RPSA2: variants seen among roughly 807,000 people sequenced by gnomAD.
The protein encoded by RPSA2 is ribosomal protein SA 2.
chr19:23,836,275 C>T, the RPSA2 span, among the ~76,000 whole-genome samples: 11 of 152,100 alleles, frequency 7.2e-5, no homozygotes, highest in Admixed American at 2.0e-4. Flanking sequence ...AGTTACTTCA[C>T]GTAGAATAAT....
chr19:23,813,352 AT>A, the RPSA2 span, among the ~76,000 whole-genome samples: 2 of 152,188 alleles, frequency 1.3e-5, no homozygotes. Context: ...ATTAAATAAC[AT>A]TTACTCATTT....
At chr19:23,813,730 C>CTTTTTT in the RPSA2 span, among the ~76,000 whole-genome samples, 736 of 136,766 alleles carry the variant, frequency 5.4e-3, 52 homozygotes, top group African/African-American at 0.014. Flanking sequence ...ACACGGGTTT[C>CTTTTTT]TTTTTTTTTT....
chr19:23,782,048 A>C, the RPSA2 span: 1 of 153,224 alleles, frequency 6.5e-6, no homozygotes, highest in South Asian at 2.0e-4. Flanking sequence ...GGTCTGTGTT[A>C]TGAGAATCTT....
chr19:23,766,494 C>A, the RPSA2 span, among the ~76,000 whole-genome samples: 1 of 147,656 alleles, frequency 6.8e-6, no homozygotes, highest in Non-Finnish European at 1.5e-5. Context: ...CTCTGTCACC[C>A]AGGCTGGAGG....
At chr19:23,795,397 A>G in the RPSA2 span, among the ~76,000 whole-genome samples, 1 of 151,968 alleles carries the variant, frequency 6.6e-6, no homozygotes, top group African/African-American at 2.4e-5. Context: ...CACCTTCCTG[A>G]TTAGCTGTAT....
the RPSA2 span, among the ~76,000 whole-genome samples, chr19:23,815,755 TA>T: frequency 6.6e-6 from 1 of 152,346 alleles, no homozygotes; most frequent in East Asian, 1.9e-4. Flanking sequence ...TATTGATGTC[TA>T]CAATTATATT....
the RPSA2 span, among the ~76,000 whole-genome samples, chr19:23,847,495 C>G: frequency 6.6e-6 from 1 of 152,080 alleles, no homozygotes; most frequent in Non-Finnish European, 1.5e-5. Context: ...ACAAAACCAG[C>G]AGGTTTTTAT....
At chr19:23,768,764 A>G in the RPSA2 span, among the ~76,000 whole-genome samples, 1 of 147,478 alleles carries the variant, frequency 6.8e-6, no homozygotes, top group East Asian at 2.1e-4. Context: ...ATTTTTCTAT[A>G]TTTAGTAGAG....
At chr19:23,827,547 C>T in the RPSA2 span, 1 of 1,596,090 alleles carries the variant, frequency 6.3e-7, no homozygotes, top group Non-Finnish European at 8.5e-7. Flanking sequence ...GACCCCAGGG[C>T]TGACCACCAG....
the RPSA2 span, among the ~76,000 whole-genome samples, chr19:23,861,305 T>A: frequency 6.6e-6 from 1 of 152,144 alleles, no homozygotes; most frequent in Non-Finnish European, 1.5e-5. Context: ...TCTTCAAAAG[T>A]AGGTTTCATA....
At chr19:23,836,374 CACACACACACACACA>C in the RPSA2 span, among the ~76,000 whole-genome samples, 1 of 150,968 alleles carries the variant, frequency 6.6e-6, no homozygotes, top group Admixed American at 6.6e-5. Flanking sequence ...CACACACAGA[CACACACACACACACA>C]CCCCACAGTT....
At chr19:23,805,778 T>G in the RPSA2 span, among the ~76,000 whole-genome samples, 148,821 of 152,152 alleles carry the variant, frequency 0.98, 72,876 homozygotes, top group Middle Eastern at 1. Flanking sequence ...ACTTCTAAAC[T>G]TGTGTTTTTT....
At chr19:23,783,715 A>AT in the RPSA2 span, among the ~76,000 whole-genome samples, 3 of 151,956 alleles carry the variant, frequency 2.0e-5, no homozygotes, top group East Asian at 1.9e-4. Context: ...CTTGGGATGT[A>AT]TTTTTTTAAT....
the RPSA2 span, among the ~76,000 whole-genome samples, chr19:23,834,072 A>G: frequency 6.6e-6 from 1 of 152,116 alleles, no homozygotes; most frequent in Non-Finnish European, 1.5e-5. Context: ...CTATGTAAAT[A>G]TCAGAATAAT....
the RPSA2 span, among the ~76,000 whole-genome samples, chr19:23,864,101 C>A: frequency 6.6e-6 from 1 of 152,162 alleles, no homozygotes; most frequent in African/African-American, 2.4e-5. Context: ...GGCAGAGCAT[C>A]CATTTTCCTG....
the RPSA2 span, chr19:23,808,768 A>G: frequency 1.1e-6 from 1 of 916,916 alleles, no homozygotes; most frequent in Non-Finnish European, 1.6e-6. Flanking sequence ...AGCGAGAAAA[A>G]GAGCCCTGGA....
At chr19:23,796,378 T>C in the RPSA2 span, among the ~76,000 whole-genome samples, 1 of 151,556 alleles carries the variant, frequency 6.6e-6, no homozygotes, top group South Asian at 2.1e-4. Context: ...TGTCAGTATT[T>C]TGTTGAGGAT....
the RPSA2 span, among the ~76,000 whole-genome samples, chr19:23,854,364 C>G: frequency 6.6e-6 from 1 of 152,170 alleles, no homozygotes; most frequent in African/African-American, 2.4e-5. Flanking sequence ...GCTCCACCCC[C>G]CTACTGTGAA....
At chr19:23,845,351 C>G in the RPSA2 span, among the ~76,000 whole-genome samples, 1 of 149,784 alleles carries the variant, frequency 6.7e-6, no homozygotes, top group Non-Finnish European at 1.5e-5. Context: ...ATGTCAGGTC[C>G]TTAACATGTA....
Sources: allele counts gnomAD v4.1 joint callset (sites outside exome capture counted in the v4.1 genomes callset), GRCh38; gene constraint gnomAD v4.1.1; transcripts MANE v1.5; gene names NCBI Gene and HGNC (gene_info 2026-07-23, HGNC 2026-07-21).